MAST4: variants seen among roughly 807,000 people sequenced by gnomAD.
The protein encoded by MAST4 is microtubule-associated serine/threonine-protein kinase 4.
Under a neutral mutation model 162.7 loss-of-function variants are expected in MAST4, and 89 were observed. That is an observed-to-expected ratio of 0.55 (90% CI 0.46 to 0.65). The LOEUF (loss-of-function observed/expected upper bound fraction) is 0.65, where lower values mean the gene tolerates loss of function less well. MAST4 is among the 30% of genes least tolerant of loss of function. The probability of loss-of-function intolerance (pLI) is 0.00; values close to 1 mark genes in which losing one functional copy is unlikely to be tolerated. For missense variants in MAST4, 3,153 were observed against 3,374.0 expected (o/e 0.93, Z 1.62); for synonymous variants, 1,479 against 1,361.1 (o/e 1.09, Z -1.91).
chr5:66,601,789 T>C (rs1326739387), intron 1 of MAST4, among the ~76,000 whole-genome samples: 7 of 152,094 alleles, frequency 4.6e-5, no homozygotes, highest in East Asian at 1.9e-4. Context: ...ATGGGAGCCA[T>C]TGAAGGATTT....
intron 12 of MAST4, 140 bp downstream of exon 12, chr5:67,114,359 A>C (rs1766629712): frequency 7.7e-6 from 8 of 1,041,818 alleles, no homozygotes; most frequent in Admixed American, 3.2e-5. Context: ...ACTGGTTGCT[A>C]TTTGAAGGAA....
intron 1 of MAST4, among the ~76,000 whole-genome samples, chr5:66,719,955 T>C (rs987498576): frequency 3.3e-5 from 5 of 152,200 alleles, no homozygotes; most frequent in Non-Finnish European, 5.9e-5. Context: ...GTTATCCTTA[T>C]AGAGAGTTAT....
At chr5:67,078,672 TA>T (rs1237733877) in intron 5 of MAST4, among the ~76,000 whole-genome samples, 19 of 131,064 alleles carry the variant, frequency 1.4e-4, no homozygotes, top group East Asian at 1.3e-3. Flanking sequence ...TTTATATTTA[TA>T]TTATATTTAT....
intron 1 of MAST4, among the ~76,000 whole-genome samples, chr5:66,740,679 A>T (rs1561297694): frequency 6.6e-6 from 1 of 152,206 alleles, no homozygotes; most frequent in Non-Finnish European, 1.5e-5. Flanking sequence ...GATTCAAAAA[A>T]GCAGAGTGGA....
intron 1 of MAST4, among the ~76,000 whole-genome samples, chr5:66,673,502 C>A (rs559569179): frequency 2.0e-5 from 3 of 149,948 alleles, no homozygotes; most frequent in Admixed American, 6.7e-5. Flanking sequence ...AACTACAATA[C>A]GCTAGTTTTT....
chr5:66,610,798 C>T (rs765254696), intron 1 of MAST4, among the ~76,000 whole-genome samples: 3 of 152,252 alleles, frequency 2.0e-5, no homozygotes, highest in Non-Finnish European at 4.4e-5. Flanking sequence ...TCAGCCTTCA[C>T]TCCCAGCCAC....
intron 1 of MAST4, among the ~76,000 whole-genome samples, chr5:66,742,582 A>G (rs1752534057): frequency 6.6e-6 from 1 of 152,148 alleles, no homozygotes; most frequent in Non-Finnish European, 1.5e-5. Flanking sequence ...GGAAGACTCA[A>G]GGGACTCTTG....
chr5:66,993,026 C>A (rs1356410613), intron 4 of MAST4, among the ~76,000 whole-genome samples: 13 of 152,164 alleles, frequency 8.5e-5, no homozygotes, highest in Non-Finnish European at 1.3e-4. Flanking sequence ...TTAGAGAAGA[C>A]AAACTACACT....
intron 3 of MAST4, among the ~76,000 whole-genome samples, chr5:66,815,769 C>T (rs1165843400): frequency 2.6e-5 from 4 of 152,152 alleles, no homozygotes; most frequent in South Asian, 4.1e-4. Context: ...AGGATACATA[C>T]ATCCTTTTGA....
In MAST4 at chr5:66,899,932, GTT is replaced by G; in HGVS notation, c.643-11_643-10del. ...GTTAATGCAGCATTGCTTATATATGGTTTTTTTTTCTTTTGCAGAAGGAGCTG... is the reference window on the plus strand; with the variant it reads ...GTTAATGCAGCATTGCTTATATATGGTTTTTTTCTTTTGCAGAAGGAGCTG... On this transcript the variant is annotated splice_polypyrimidine_tract_variant and intron_variant, in intron 3 of 28. Transcript: ENST00000403625. 1 of 1,471,288 alleles carries G rather than the reference GTT, an allele frequency of 6.8e-7. No individual in the cohort carries two copies. Among genetic ancestry groups the G allele is most frequent in the Non-Finnish European group, 9.1e-7 (1 of 1,102,404 alleles). 91.1% of individuals were successfully genotyped at this position (1,471,288 alleles called of 1,614,324 possible).
Position 66,780,652 on chromosome 5 carries a change from C to T in MAST4, c.518-8018C>T, listed in dbSNP as rs1322946348. Among the ~76,000 whole-genome samples, 9 of 152,288 alleles carry T rather than the reference C, an allele frequency of 5.9e-5. No individual in the cohort carries two copies. The South Asian group carries it at 6.2e-4, about 11-fold the overall frequency. Reference sequence around the variant, plus strand: ...GGTTGCTGCTGCTGGCTCAGGTGGCCAGCTTTTATTCCCTTATTTGGCCCT... The same window carrying T: ...GGTTGCTGCTGCTGGCTCAGGTGGCTAGCTTTTATTCCCTTATTTGGCCCT... On this transcript the variant is annotated intron_variant, in intron 2 of 28. Transcript: ENST00000403625.
intron 1 of MAST4, among the ~76,000 whole-genome samples, chr5:66,648,894 G>A (rs754140698): frequency 1.3e-5 from 2 of 151,920 alleles, no homozygotes; most frequent in Admixed American, 6.6e-5. Context: ...ATGACCATTC[G>A]GTATGAATTG....
At chr5:67,134,803 A>G in intron 18 of MAST4, 115 bp downstream of exon 18, 1 of 832,898 alleles carries the variant, frequency 1.2e-6, no homozygotes. Context: ...CAAACAGTTG[A>G]GCCAACAAAA....
chr5:66,960,738 C>T (rs1002461391), intron 4 of MAST4, among the ~76,000 whole-genome samples: 5 of 152,094 alleles, frequency 3.3e-5, no homozygotes, highest in Non-Finnish European at 7.4e-5. Context: ...TCTTCCTTTA[C>T]TTTTTTTCTT....
At chr5:66,916,642 A>G (rs562591957) in intron 4 of MAST4, among the ~76,000 whole-genome samples, 2 of 152,086 alleles carry the variant, frequency 1.3e-5, no homozygotes, top group Non-Finnish European at 2.9e-5. Context: ...TCCATTCTTC[A>G]CTTCATATGC....
intron 26 of MAST4, among the ~76,000 whole-genome samples, chr5:67,155,795 C>G (rs1305727682): frequency 6.6e-6 from 1 of 152,168 alleles, no homozygotes; most frequent in Non-Finnish European, 1.5e-5. Flanking sequence ...GGCACAGTGG[C>G]TCATACCCGT....
chr5:66,677,969 C>T (rs146909540), intron 1 of MAST4, among the ~76,000 whole-genome samples: 26 of 152,206 alleles, frequency 1.7e-4, no homozygotes, highest in African/African-American at 5.1e-4. Flanking sequence ...GCAGTGGGAC[C>T]GGGCATATCT....
intron 16 of MAST4, 66 bp downstream of exon 16, chr5:67,132,017 A>G (rs1769030290): frequency 1.3e-6 from 2 of 1,518,976 alleles, no homozygotes; most frequent in Non-Finnish European, 1.8e-6. Flanking sequence ...GTTTATAAAG[A>G]TGTTTTCTTT....
intron 3 of MAST4, among the ~76,000 whole-genome samples, chr5:66,851,402 G>A (rs1759305260): frequency 6.6e-6 from 1 of 152,232 alleles, no homozygotes; most frequent in African/African-American, 2.4e-5. Flanking sequence ...TAGGCTGCTA[G>A]CCAATTTGAG....
Sources: gnomAD v4.1 joint callset for allele counts (sites outside exome capture counted in the v4.1 genomes callset) on GRCh38, gnomAD v4.1.1 for gene constraint, MANE v1.5 for transcripts, NCBI Gene and HGNC (gene_info 2026-07-23, HGNC 2026-07-21) for gene names.